Variants in MRGPRX2 observed in about 807,000 individuals in gnomAD.
MRGPRX2 encodes mas-related G protein-coupled receptor member X2.
For missense variants in MRGPRX2, 389 were observed against 404.5 expected (o/e 0.96, Z 0.33); for synonymous variants, 183 against 175.6 (o/e 1.04, Z -0.33).
intron 1 of MRGPRX2, among the ~76,000 whole-genome samples, chr11:19,056,772 A>T (rs1849624214): frequency 6.6e-6 from 1 of 152,168 alleles, no homozygotes; most frequent in South Asian, 2.1e-4. Context: ...CAGTACTCTG[A>T]GTTCAGGATT....
rs1419112645 is a variant in MRGPRX2 at position 19,055,517 on chromosome 11, G to A, written c.886C>T (p.Leu296Phe). Residue 296 changes from leucine to phenylalanine, a missense_variant, in exon 2 of 2, where the codon CTC becomes TTC. Physicochemically the swap from Leu to Phe is conservative, Grantham distance 22. Coordinates refer to ENST00000329773, the MANE Select transcript of MRGPRX2 (RefSeq NM_054030.4). ...RKQWRLQQPI[L>F]KLALQRALQD... is the part of the protein sequence containing the mutation. ...AGAGCCCTCTGGAGAGCCAGCTTGAGGATCGGCTGCTGCAGCCGCCACTGC... is the reference window on the plus strand; with the variant it reads ...AGAGCCCTCTGGAGAGCCAGCTTGAAGATCGGCTGCTGCAGCCGCCACTGC... 3.1e-6 allele frequency: 5 copies of A among 1,613,670 alleles called. No individual in the cohort carries two copies. Among genetic ancestry groups the A allele is most frequent in the East Asian group, 4.5e-5 (2 of 44,876 alleles).
intron 1 of MRGPRX2, among the ~76,000 whole-genome samples, chr11:19,059,801 G>A (rs913090103): frequency 4.6e-5 from 7 of 152,186 alleles, no homozygotes; most frequent in Admixed American, 2.0e-4. Context: ...TCGTCAATGG[G>A]CTGTCTTTCA....
intron 1 of MRGPRX2, among the ~76,000 whole-genome samples, chr11:19,059,960 TGGC>T (rs1373169268): frequency 1.3e-5 from 2 of 152,214 alleles, no homozygotes; most frequent in Non-Finnish European, 2.9e-5. Flanking sequence ...GAGTTGGCAG[TGGC>T]AGTGTTTTTC....
At chr11:19,058,273 A>C (rs1174047114) in intron 1 of MRGPRX2, among the ~76,000 whole-genome samples, 2 of 152,174 alleles carry the variant, frequency 1.3e-5, no homozygotes. Context: ...CAGAATTGGC[A>C]TCAAGGACTG....
intron 1 of MRGPRX2, among the ~76,000 whole-genome samples, chr11:19,057,751 T>C (rs7102104): frequency 0.33 from 50,174 of 152,036 alleles, 9,034 homozygotes; most frequent in African/African-American, 0.49. Context: ...CTGAATGCTC[T>C]TCAGGTATAG....
chr11:19,056,793 T>C (rs1849624420), intron 1 of MRGPRX2, among the ~76,000 whole-genome samples: 1 of 152,176 alleles, frequency 6.6e-6, no homozygotes, highest in South Asian at 2.1e-4. Context: ...CTTTTTATCC[T>C]GGCATACAGA....
chr11:19,058,305 C>G (rs1308207933), intron 1 of MRGPRX2, among the ~76,000 whole-genome samples: 2 of 152,176 alleles, frequency 1.3e-5, no homozygotes, highest in African/African-American at 4.8e-5. Flanking sequence ...CACATGCTGT[C>G]TTAGTTCCTG....
At chr11:19,060,266 A>G (rs530200481) in intron 1 of MRGPRX2, among the ~76,000 whole-genome samples, 1 of 152,308 alleles carries the variant, frequency 6.6e-6, no homozygotes, top group South Asian at 2.1e-4. Context: ...ATGAAGGAAA[A>G]ACCTTTTGAA....
In MRGPRX2 at chr11:19,056,534, A is replaced by C. The variant is rs550178154; in HGVS notation, c.-25-107T>G. The C allele has an allele frequency of 8.5e-5, 94 of 1,110,780 alleles. 2 individuals carry two copies. In the South Asian group the frequency reaches 1.3e-3, roughly 16 times the overall value. 68.8% of individuals were successfully genotyped at this position (1,110,780 alleles called of 1,614,324 possible). On this transcript the variant is annotated intron_variant, in intron 1 of 1. Transcript: ENST00000329773. Reference sequence around the variant, plus strand: ...CCTGTTTTACAGGAGAGGAAATCAGAGGCTTGAAGAGATTAAGTCATTTAT... The same window carrying C: ...CCTGTTTTACAGGAGAGGAAATCAGCGGCTTGAAGAGATTAAGTCATTTAT...
chr11:19,059,335 G>C lies in MRGPRX2; in HGVS notation c.-26+1284C>G, dbSNP rs972888147. Among the ~76,000 whole-genome samples, 4 of 152,298 alleles carry C rather than the reference G, an allele frequency of 2.6e-5. No homozygotes were observed. In the East Asian group the frequency reaches 5.8e-4, roughly 22 times the overall value. Reference sequence around the variant, plus strand: ...GGGTAAGGGTACCGCTTTAGGGATGGGGAAATAGAAATTGGAAGGAGCCTT... The same window carrying C: ...GGGTAAGGGTACCGCTTTAGGGATGCGGAAATAGAAATTGGAAGGAGCCTT... On this transcript the variant is annotated intron_variant, in intron 1 of 1. Transcript: ENST00000329773.
At chr11:19,059,320 A>G (rs1431099316) in intron 1 of MRGPRX2, among the ~76,000 whole-genome samples, 1 of 152,182 alleles carries the variant, frequency 6.6e-6, no homozygotes, top group Non-Finnish European at 1.5e-5. Context: ...GGGTAAGGGT[A>G]CCGCTTTAGG....
Position 19,055,498 on chromosome 11 carries a change from C to T in MRGPRX2, c.905G>A (p.Arg302Lys), listed in dbSNP as rs943227784. The change falls in exon 2 of 2, where the codon AGG (arginine) becomes AAG (lysine). Residue 302 changes from arginine to lysine, a missense_variant. Coordinates refer to ENST00000329773, the MANE Select transcript of MRGPRX2 (RefSeq NM_054030.4). ...CACCTCAGCAATGTCCTGCAGAGCC[C>T]TCTGGAGAGCCAGCTTGAGGATCGG... ...QQPILKLALQ[R>K]ALQDIAEVDH... 23 of 1,614,036 alleles carry T rather than the reference C, an allele frequency of 1.4e-5. No individual in the cohort carries two copies. The highest frequency in any genetic ancestry group is 3.3e-5 in the Admixed American group (2 of 59,990).
chr11:19,059,761 T>C (rs181212349), intron 1 of MRGPRX2, among the ~76,000 whole-genome samples: 1 of 152,334 alleles, frequency 6.6e-6, no homozygotes, highest in African/African-American at 2.4e-5. Flanking sequence ...CTACCTGCCT[T>C]TGCATCCTGG....
At position 19,056,314 on chromosome 11, in the gene MRGPRX2, G is replaced by T. The variant is rs760846706; in HGVS notation, c.89C>A (p.Thr30Asn). The T allele has an allele frequency of 6.2e-7, 1 of 1,614,182 alleles. No homozygotes were observed. The highest frequency in any genetic ancestry group is 1.7e-5 in the Admixed American group (1 of 60,026). The change falls in exon 2 of 2, where the codon ACC becomes AAC. Residue 30 changes from threonine (T) to asparagine (N), a missense_variant. Thr to Asn is a moderately conservative substitution (Grantham distance 65). Coordinates refer to ENST00000329773, the MANE Select transcript of MRGPRX2 (RefSeq NM_054030.4). The stretch of plus-strand genomic sequence containing the variant: ...AAGGATCAGGAAGACCGGGATCAGG[G>T]TCTCCTTGCCACAAAGCAGAAGAAG... ...QALLLLCGKE[T>N]LIPVFLILFI...
rs768075075 is a variant in MRGPRX2 at position 19,056,209 on chromosome 11, G to A, written c.194C>T (p.Ser65Phe). The A allele has an allele frequency of 1.2e-6, 2 of 1,614,138 alleles. No individual in the cohort carries two copies. Among genetic ancestry groups the A allele is most frequent in the East Asian group, 2.2e-5 (1 of 44,878 alleles). The change falls in exon 2 of 2, where the codon TCT becomes TTT. Residue 65 changes from serine (S) to phenylalanine (F), a missense_variant. Transcript: ENST00000329773. ...LGFRMRRNAF[S>F]VYVLSLAGAD... ...CCCGGCCAGGCTGAGGACGTAGACA[G>A]AGAAGGCGTTCCTGCGCATGCGGAA... is the stretch of plus-strand genomic sequence containing the variant.
rs775023710 is a variant in MRGPRX2, at chr11:19,055,435, TC to T, written c.967del (p.Glu323ArgfsTer53). 1 of 1,609,074 alleles carries T rather than the reference TC, an allele frequency of 6.2e-7. No homozygotes were observed. The highest frequency in any genetic ancestry group is 1.1e-5 in the South Asian group (1 of 91,022). On this transcript the variant is annotated frameshift_variant, in exon 2 of 2. Transcript: ENST00000329773. LOFTEE classifies it low-confidence loss of function (END_TRUNC). ...CTACACCAGACTGCTTCTCGACATCTCCGGGGTGCCCTGACGGAAGCATCCT... is the reference window on the plus strand; with the variant it reads ...CTACACCAGACTGCTTCTCGACATCTCGGGGTGCCCTGACGGAAGCATCCT... ...SEGCFRQGTPEMSRSSLV is the reference protein window; with the variant it reads ...SEGCFRQGTPXMSRSSLV
At position 19,056,124 on chromosome 11, in the gene MRGPRX2, G is replaced by C; in HGVS notation, c.279C>G (p.Phe93Leu). The C allele has an allele frequency of 6.2e-7, 1 of 1,614,244 alleles. No homozygotes were observed. The highest frequency in any genetic ancestry group is 1.3e-5 in the African/African-American group (1 of 75,066). Residue 93 changes from phenylalanine to leucine, a missense_variant, in exon 2 of 2, where the codon TTC (phenylalanine) becomes TTG (leucine). Coordinates refer to ENST00000329773, the MANE Select transcript of MRGPRX2 (RefSeq NM_054030.4). ...GGAAATTGATGGAGATGGAACAGAA[G>C]AAGTTACTGAGGTACACCAGGCAAT... ...IINCLVYLSN[F>L]FCSISINFPS...
chr11:19,057,344 T>G (rs7121239), intron 1 of MRGPRX2, among the ~76,000 whole-genome samples: 12,864 of 152,256 alleles, frequency 0.084, 784 homozygotes, highest in African/African-American at 0.16. Flanking sequence ...AGGGCTAGTA[T>G]ATGGCTTTTG....
chr11:19,055,864 C>T lies in MRGPRX2; in HGVS notation c.539G>A (p.Cys180Tyr). Residue 180 changes from cysteine (C) to tyrosine (Y), a missense_variant, in exon 2 of 2, where the codon TGT (cysteine) becomes TAT (tyrosine). Transcript: ENST00000329773. ...FLFSDGDSGW[C>Y]QTFDFITAAW... ...TGCAGTGATGAAATCAAATGTCTGA[C>T]ACCAACCAGAGTCACCATCACTAAA... The T allele has an allele frequency of 6.2e-7, 1 of 1,614,152 alleles. No individual in the cohort carries two copies. The highest frequency in any genetic ancestry group is 8.5e-7 in the Non-Finnish European group (1 of 1,180,030).
Sources: gnomAD v4.1 joint callset for allele counts (sites outside exome capture counted in the v4.1 genomes callset) on GRCh38, gnomAD v4.1.1 for gene constraint, MANE v1.5 for transcripts, NCBI Gene and HGNC (gene_info 2026-07-23, HGNC 2026-07-21) for gene names.